Variants in ENOX2 observed in about 807,000 individuals in gnomAD.
The protein encoded by ENOX2 is APK1 antigen.
ENOX2 carries 36 observed loss-of-function variants against 45.0 expected under a neutral mutation model. The ratio of observed to expected loss-of-function variants is 0.80; its 90% CI spans 0.61 to 1.06. ENOX2 has a LOEUF of 1.06. Among genes scored for constraint, ENOX2 ranks in the 50% least tolerant of loss-of-function variants. The pLI is 0.00. For synonymous variants in ENOX2, 174 were observed against 152.3 expected (o/e 1.14, Z -1.05); for missense variants, 423 against 462.5 (o/e 0.91, Z 0.78).
At chrX:130,682,784 G>A (rs55834757) in intron 5 of ENOX2, among the ~76,000 whole-genome samples, 2 of 110,189 alleles carry the variant, frequency 1.8e-5, no homozygotes, top group African/African-American at 6.6e-5. Context: ...CATTTGCTGA[G>A]ATTTAGGGGT....
At chrX:130,810,847 A>G (rs1432496256) in intron 2 of ENOX2, among the ~76,000 whole-genome samples, 1 of 112,038 alleles carries the variant, frequency 8.9e-6, no homozygotes, top group Non-Finnish European at 1.9e-5. Flanking sequence ...CCAGCCCCAC[A>G]GTCCCACGTT....
intron 3 of ENOX2, among the ~76,000 whole-genome samples, chrX:130,712,588 C>T (rs989424330): frequency 2.7e-5 from 3 of 111,105 alleles, no homozygotes; most frequent in Non-Finnish European, 3.8e-5. Context: ...ACACACTGAG[C>T]ATGCTCACCT....
chrX:130,651,723 G>A lies in ENOX2; in HGVS notation c.1129+4858C>T, dbSNP rs910092438. ...ATTCCAAATCGGTTCCCTTCTCCTCGTGGTCTCATTTCCAAATCATTTTTG... is the reference window on the plus strand; with the variant it reads ...ATTCCAAATCGGTTCCCTTCTCCTCATGGTCTCATTTCCAAATCATTTTTG... On this transcript the variant is annotated intron_variant, in intron 10 of 14. Transcript: ENST00000394363. Among the ~76,000 whole-genome samples the A allele has an allele frequency of 6.3e-5, 7 of 111,447 alleles. No individual in the cohort carries two copies. The East Asian group carries it at 2.0e-3, about 31-fold the overall frequency.
At chrX:130,705,938 C>T (rs773083526) in intron 3 of ENOX2, among the ~76,000 whole-genome samples, 1 of 111,825 alleles carries the variant, frequency 8.9e-6, no homozygotes, top group Admixed American at 9.4e-5. Context: ...ATTTTTCTCA[C>T]CCTTCAAAGT....
intron 2 of ENOX2, among the ~76,000 whole-genome samples, chrX:130,880,111 AC>A (rs1489639389): frequency 9.0e-6 from 1 of 111,711 alleles, no homozygotes; most frequent in African/African-American, 3.3e-5. Flanking sequence ...TTTGAATGGT[AC>A]AAAAAAGCTG....
chrX:130,650,637 T>C (rs1469370886), intron 10 of ENOX2, among the ~76,000 whole-genome samples: 1 of 112,231 alleles, frequency 8.9e-6, no homozygotes, highest in Non-Finnish European at 1.9e-5. Context: ...GTACAGTGAA[T>C]GTATTCATAT....
rs149097795 is a variant in ENOX2 at position 130,815,257 on chromosome X, C to T, written c.-182-31567G>A. Among the ~76,000 whole-genome samples, 457 of 111,793 alleles carry T rather than the reference C, an allele frequency of 4.1e-3. 7 individuals are homozygous for T. The East Asian group carries it at 0.085, about 21-fold the overall frequency. On this transcript the variant is annotated intron_variant, in intron 2 of 14. Coordinates refer to ENST00000394363, the MANE Select transcript of ENOX2 (RefSeq NM_006375.4). ...GAAATATGGGACTATGTGAAAAAGA[C>T]CAAACCTATGTTTGATTGGTGTACC... is the stretch of plus-strand genomic sequence containing the variant.
intron 5 of ENOX2, among the ~76,000 whole-genome samples, chrX:130,680,818 A>G (rs2037281633): frequency 8.9e-6 from 1 of 112,565 alleles, no homozygotes; most frequent in Non-Finnish European, 1.9e-5. Flanking sequence ...AGTCATGTTC[A>G]TAGATTAGGC....
intron 13 of ENOX2, among the ~76,000 whole-genome samples, chrX:130,630,583 C>G (rs2035672896): frequency 9.0e-6 from 1 of 111,454 alleles, no homozygotes; most frequent in Non-Finnish European, 1.9e-5. Context: ...TCTGCATACC[C>G]CTTCCCAGTA....
At chrX:130,863,582 T>A (rs2078443938) in intron 2 of ENOX2, among the ~76,000 whole-genome samples, 1 of 112,439 alleles carries the variant, frequency 8.9e-6, no homozygotes, top group South Asian at 3.7e-4. Context: ...TTTTTGGATT[T>A]AGATAGAACA....
intron 5 of ENOX2, among the ~76,000 whole-genome samples, chrX:130,681,049 A>G (rs2037287562): frequency 1.8e-5 from 2 of 112,587 alleles, no homozygotes; most frequent in Non-Finnish European, 3.7e-5. Flanking sequence ...AATTTTTACA[A>G]GTCTGTAATT....
chrX:130,640,631 C>T (rs1426989941), intron 10 of ENOX2, among the ~76,000 whole-genome samples: 1 of 112,007 alleles, frequency 8.9e-6, no homozygotes, highest in Non-Finnish European at 1.9e-5. Context: ...AAGTCATTAT[C>T]CTTAGCAAAC....
rs1313821720 is a variant in ENOX2 at position 130,815,229 on chromosome X, C to T, written c.-182-31539G>A. Among the ~76,000 whole-genome samples, 4 of 111,527 alleles carry T rather than the reference C, an allele frequency of 3.6e-5. No homozygotes were observed. In the Admixed American group the frequency reaches 3.8e-4, roughly 11 times the overall value. ...AATGAAAAGGAATGAATAAAGCTTC[C>T]AAGAAATATGGGACTATGTGAAAAA... On this transcript the variant is annotated intron_variant, in intron 2 of 14. Transcript: ENST00000394363.
At chrX:130,847,938 AGCTCTC>A (rs2078139928) in intron 2 of ENOX2, among the ~76,000 whole-genome samples, 1 of 111,882 alleles carries the variant, frequency 8.9e-6, no homozygotes, top group African/African-American at 3.3e-5. Context: ...CCAGTTTCAA[AGCTCTC>A]TAAAAATAGC....
At chrX:130,641,158 C>CA (rs2036069931) in intron 10 of ENOX2, among the ~76,000 whole-genome samples, 1 of 111,783 alleles carries the variant, frequency 8.9e-6, no homozygotes, top group Non-Finnish European at 1.9e-5. Context: ...AAAACCCCTT[C>CA]AGCCTACGCA....
chrX:130,765,339 G>C (rs1348643964), intron 3 of ENOX2, among the ~76,000 whole-genome samples: 3 of 110,465 alleles, frequency 2.7e-5, no homozygotes, highest in Non-Finnish European at 5.7e-5. Context: ...TCCTAGCCAA[G>C]GTAACCATCT....
chrX:130,641,669 A>T (rs2036090002), intron 10 of ENOX2, among the ~76,000 whole-genome samples: 1 of 95,812 alleles, frequency 1.0e-5, no homozygotes, highest in Non-Finnish European at 2.0e-5. Context: ...GTGAGCTGAG[A>T]TTGTGCCATT....
chrX:130,639,853 C>T (rs1480909513), intron 10 of ENOX2, among the ~76,000 whole-genome samples: 2 of 112,171 alleles, frequency 1.8e-5, no homozygotes, highest in Non-Finnish European at 3.8e-5. Flanking sequence ...AATCCCTGAG[C>T]TTGAGGATAT....
chrX:130,820,687 G>A (rs2077579873), intron 2 of ENOX2, among the ~76,000 whole-genome samples: 2 of 112,660 alleles, frequency 1.8e-5, no homozygotes, highest in South Asian at 7.3e-4. Flanking sequence ...AGAACATTAC[G>A]TTAAGTGAAA....
Sources: allele counts gnomAD v4.1 joint callset (sites outside exome capture counted in the v4.1 genomes callset), GRCh38; gene constraint gnomAD v4.1.1; transcripts MANE v1.5; gene names NCBI Gene and HGNC (gene_info 2026-07-23, HGNC 2026-07-21).